Variants in RAP1A observed in about 807,000 individuals in gnomAD.
RAP1A encodes RAP1A, member of RAS oncogene family.
In RAP1A, 6 loss-of-function variants were observed where a neutral mutation model predicts 26.4. The observed-to-expected ratio is 0.23, with a 90% CI of 0.12 to 0.45. The LOEUF is 0.45. Ranked by LOEUF, RAP1A falls within the 20% of genes least tolerant of loss-of-function variation. RAP1A has a pLI of 0.99. For missense variants in RAP1A, 121 were observed against 217.2 expected (o/e 0.56, Z 2.78); for synonymous variants, 73 against 79.4 (o/e 0.92, Z 0.43).
At chr1:111,651,945 T>G (rs1209021914) in intron 1 of RAP1A, among the ~76,000 whole-genome samples, 1 of 152,020 alleles carries the variant, frequency 6.6e-6, no homozygotes, top group Non-Finnish European at 1.5e-5. Context: ...GACTTTTTTT[T>G]TTTTGTGCAA....
At chr1:111,649,255 C>T (rs1660180116) in intron 1 of RAP1A, 1 of 476,346 alleles carries the variant, frequency 2.1e-6, no homozygotes, top group Admixed American at 2.3e-5. Flanking sequence ...ATTTTGCTCT[C>T]CAGCTTCCGG....
At chr1:111,551,304 T>A (rs1657248869) in intron 1 of RAP1A, among the ~76,000 whole-genome samples, 1 of 152,164 alleles carries the variant, frequency 6.6e-6, no homozygotes, top group African/African-American at 2.4e-5. Context: ...TCTTATATCT[T>A]TTTTGCACCT....
intron 1 of RAP1A, among the ~76,000 whole-genome samples, chr1:111,607,646 C>G (rs182352156): frequency 7.6e-5 from 11 of 145,472 alleles, no homozygotes; most frequent in African/African-American, 2.6e-4. Flanking sequence ...GGGGGGCTGA[C>G]CCCGCCACGT....
At chr1:111,680,591 C>G (rs1392382472) in intron 1 of RAP1A, 1 of 152,708 alleles carries the variant, frequency 6.5e-6, no homozygotes, top group African/African-American at 2.4e-5. Flanking sequence ...GGCTTCACCT[C>G]TCACCAGCAG....
At chr1:111,614,608 G>T (rs1482067808) in intron 1 of RAP1A, among the ~76,000 whole-genome samples, 1 of 152,178 alleles carries the variant, frequency 6.6e-6, no homozygotes, top group Non-Finnish European at 1.5e-5. Context: ...AACATGAAAA[G>T]AAATGTACCT....
chr1:111,701,540 A>G (rs967310797), intron 4 of RAP1A, among the ~76,000 whole-genome samples: 2 of 152,178 alleles, frequency 1.3e-5, no homozygotes, highest in Non-Finnish European at 2.9e-5. Flanking sequence ...TTTGCCTCTC[A>G]TGATCACTAA....
chr1:111,579,877 T>G (rs1383568964), intron 1 of RAP1A, among the ~76,000 whole-genome samples: 1 of 151,758 alleles, frequency 6.6e-6, no homozygotes, highest in Non-Finnish European at 1.5e-5. Flanking sequence ...TGGTGTGATC[T>G]CGGCTCACTG....
At chr1:111,549,934 T>G (rs1657195150) in intron 1 of RAP1A, among the ~76,000 whole-genome samples, 1 of 152,194 alleles carries the variant, frequency 6.6e-6, no homozygotes, top group South Asian at 2.1e-4. Flanking sequence ...ATTACAGGCA[T>G]GAGCACCACA....
chr1:111,563,868 C>G, intron 1 of RAP1A: 1 of 1,613,436 alleles, frequency 6.2e-7, no homozygotes, highest in Non-Finnish European at 8.5e-7. Flanking sequence ...CTCAAGCAGC[C>G]CAGTGTCCAG....
intron 1 of RAP1A, among the ~76,000 whole-genome samples, chr1:111,580,345 GGGA>G (rs1658230700): frequency 1.3e-5 from 2 of 152,182 alleles, no homozygotes; most frequent in Admixed American, 1.3e-4. Context: ...ATGGGAAGGT[GGGA>G]GGAGAAGCAA....
At chr1:111,674,242 T>C (rs1661058604) in intron 1 of RAP1A, among the ~76,000 whole-genome samples, 2 of 152,196 alleles carry the variant, frequency 1.3e-5, no homozygotes, top group South Asian at 2.1e-4. Context: ...ACGTGAAATA[T>C]ATGCTCTTGT....
intron 1 of RAP1A, among the ~76,000 whole-genome samples, chr1:111,689,923 G>A (rs568921329): frequency 5.9e-5 from 9 of 152,188 alleles, no homozygotes; most frequent in African/African-American, 1.7e-4. Flanking sequence ...TGATCCACCC[G>A]CCTCGACCTC....
At chr1:111,611,896 G>A (rs1418976865) in intron 1 of RAP1A, among the ~76,000 whole-genome samples, 1 of 152,106 alleles carries the variant, frequency 6.6e-6, no homozygotes, top group Non-Finnish European at 1.5e-5. Context: ...AAATTCAACT[G>A]GGGATCCTCT....
intron 1 of RAP1A, among the ~76,000 whole-genome samples, chr1:111,610,243 A>AT (rs2101079334): frequency 6.6e-6 from 1 of 151,952 alleles, no homozygotes; most frequent in East Asian, 1.9e-4. Context: ...TTTCTCTCTT[A>AT]TTTTTCCCCT....
chr1:111,679,323 G>A (rs762095811), intron 1 of RAP1A, among the ~76,000 whole-genome samples: 5 of 152,132 alleles, frequency 3.3e-5, no homozygotes, highest in African/African-American at 4.8e-5. Context: ...GGGAAGCCGT[G>A]AGGGACTGTG....
chr1:111,703,133 G>A lies in RAP1A; in HGVS notation c.184-203G>A, dbSNP rs186528074. 5.3e-5 allele frequency among the ~76,000 whole-genome samples: 8 copies of A among 152,188 alleles called. No homozygotes were observed. In the East Asian group the frequency reaches 1.5e-3, roughly 29 times the overall value. On this transcript the variant is annotated intron_variant, in intron 4 of 7. Transcript: ENST00000369709. The stretch of plus-strand genomic sequence containing the variant: ...AAATCACACAAAAGCAAATTAAAGT[G>A]GTTAAGAATTCCTTTTTAATTCTAG...
Position 111,695,428 on chromosome 1 carries a change from A to G in RAP1A, c.126+19A>G, listed in dbSNP as rs1661797945. On this transcript the variant is annotated intron_variant, in intron 3 of 7. Transcript: ENST00000369709. ...CAGAAAGGTAAAATGTGAAACTTGT[A>G]CACACATGCTTACAAGTAGTTCCTT... 1.2e-5 allele frequency: 18 copies of G among 1,500,728 alleles called. No individual in the cohort carries two copies. Among genetic ancestry groups the G allele is most frequent in the Non-Finnish European group, 1.6e-5 (18 of 1,117,334 alleles). 93.0% of individuals were successfully genotyped at this position (1,500,728 alleles called of 1,614,324 possible).
At chr1:111,680,391 G>C (rs988626062) in intron 1 of RAP1A, among the ~76,000 whole-genome samples, 2 of 152,138 alleles carry the variant, frequency 1.3e-5, no homozygotes, top group African/African-American at 2.4e-5. Context: ...ATGCTGGTTG[G>C]TGCATTTACA....
At chr1:111,710,503 A>G (rs1023468141) in intron 7 of RAP1A, among the ~76,000 whole-genome samples, 2 of 152,190 alleles carry the variant, frequency 1.3e-5, no homozygotes, top group Non-Finnish European at 2.9e-5. Flanking sequence ...TGCTTATTAC[A>G]TGATTATTAC....
Sources: allele counts gnomAD v4.1 joint callset (sites outside exome capture counted in the v4.1 genomes callset), GRCh38; gene constraint gnomAD v4.1.1; transcripts MANE v1.5; gene names NCBI Gene and HGNC (gene_info 2026-07-23, HGNC 2026-07-21).